Variants in MPC2 observed in about 807,000 individuals in gnomAD.
MPC2 encodes brain protein 44.
In MPC2, 19 loss-of-function variants were observed where a neutral mutation model predicts 19.2. That is an observed-to-expected ratio of 0.99 (90% CI 0.69 to 1.45). The LOEUF is 1.45. MPC2 is among the 40% of genes most tolerant of loss of function. The probability of loss-of-function intolerance (pLI) is 0.00; values close to 1 mark genes in which losing one functional copy is unlikely to be tolerated. For missense variants in MPC2, 122 were observed against 153.0 expected, an observed-to-expected ratio of 0.80 and a Z score of 1.07; for synonymous variants, 61 against 54.3, an observed-to-expected ratio of 1.12 and a Z score of -0.54.
intron 3 of MPC2, among the ~76,000 whole-genome samples, chr1:167,922,873 T>TA (rs1198222216): frequency 1.3e-5 from 2 of 152,098 alleles, no homozygotes; most frequent in Non-Finnish European, 2.9e-5. Flanking sequence ...TTGATTAAAT[T>TA]AAAAAACAGG....
At chr1:167,919,837 G>T (rs1670555780) in intron 5 of MPC2, 142 bp downstream of exon 5, 4 of 527,642 alleles carry the variant, frequency 7.6e-6, no homozygotes, top group African/African-American at 2.0e-5. Context: ...TCTTGTCTTA[G>T]CATTATATAT....
intron 2 of MPC2, among the ~76,000 whole-genome samples, chr1:167,930,472 C>T (rs953943311): frequency 1.1e-4 from 16 of 152,118 alleles, no homozygotes; most frequent in Non-Finnish European, 2.1e-4. Flanking sequence ...AAAACTAGAT[C>T]CCTAAATCCT....
chr1:167,935,825 G>A lies in MPC2; in HGVS notation c.17C>T (p.Ala6Val). ...GTGGTAGGTGGCCCGCAGGCCTCGG[G>A]CACCGGCGGCCGACATCGCCGCCGA... MSAAG[A>V]RGLRATYHRL... Residue 6 changes from alanine (A) to valine (V), a missense_variant, in exon 2 of 6, where the codon GCC becomes GTC. Coordinates refer to ENST00000271373, the MANE Select transcript of MPC2 (RefSeq NM_001143674.4). The A allele has an allele frequency of 1.9e-6, 3 of 1,552,516 alleles. No homozygotes were observed. Among genetic ancestry groups the A allele is most frequent in the Non-Finnish European group, 2.6e-6 (3 of 1,148,540 alleles).
chr1:167,926,624 T>TGCTGCTGCTGCC (rs1172982097), intron 2 of MPC2, among the ~76,000 whole-genome samples: 14 of 150,906 alleles, frequency 9.3e-5, no homozygotes, highest in South Asian at 8.7e-4. Context: ...CTGCAGATGC[T>TGCTGCTGCTGCC]GCTGCTGCTG....
At chr1:167,936,880 G>C in intron 1 of MPC2, 59 bp downstream of exon 1, 1 of 1,539,194 alleles carries the variant, frequency 6.5e-7, no homozygotes, top group Admixed American at 1.9e-5. Flanking sequence ...CCCACGCGGT[G>C]GTCTCCCCTC....
chr1:167,936,058 GC>G, intron 1 of MPC2, 160 bp from the exon 2 acceptor site: 2 of 586,760 alleles, frequency 3.4e-6, no homozygotes. Flanking sequence ...CCGACTGCCA[GC>G]CCCCGGTCCG....
chr1:167,936,699 C>CT, intron 1 of MPC2: 4 of 561,630 alleles, frequency 7.1e-6, no homozygotes. Flanking sequence ...TCTGGTTAGT[C>CT]TAAGAAGGAG....
At chr1:167,933,538 C>A (rs1670973442) in intron 2 of MPC2, among the ~76,000 whole-genome samples, 1 of 152,206 alleles carries the variant, frequency 6.6e-6, no homozygotes, top group Non-Finnish European at 1.5e-5. Flanking sequence ...AATCTAGAAT[C>A]AGCAATGTAT....
chr1:167,936,842 C>G (rs1035163742), intron 1 of MPC2, 97 bp downstream of exon 1: 2 of 1,344,286 alleles, frequency 1.5e-6, no homozygotes, highest in Non-Finnish European at 2.1e-6. Flanking sequence ...GGTGTTGAAA[C>G]GGGTGTCCCC....
intron 2 of MPC2, among the ~76,000 whole-genome samples, chr1:167,925,762 T>C (rs1237202007): frequency 6.6e-6 from 1 of 151,888 alleles, no homozygotes; most frequent in Non-Finnish European, 1.5e-5. Context: ...TTGGCCAGGC[T>C]GGTCTCAAAC....
At chr1:167,928,888 A>C (rs1385082142) in intron 2 of MPC2, among the ~76,000 whole-genome samples, 1 of 152,248 alleles carries the variant, frequency 6.6e-6, no homozygotes, top group African/African-American at 2.4e-5. Flanking sequence ...AAATCTCCTC[A>C]TAAGACATTA....
At chr1:167,930,434 T>C (rs1466908547) in intron 2 of MPC2, among the ~76,000 whole-genome samples, 2 of 152,140 alleles carry the variant, frequency 1.3e-5, no homozygotes, top group African/African-American at 4.8e-5. Flanking sequence ...AAATTACTTG[T>C]TTAAAATAAA....
intron 2 of MPC2, among the ~76,000 whole-genome samples, chr1:167,934,285 T>C (rs894571368): frequency 6.6e-6 from 1 of 152,192 alleles, no homozygotes; most frequent in Non-Finnish European, 1.5e-5. Context: ...TTACTCTTAC[T>C]CTGTCATGCC....
intron 1 of MPC2, chr1:167,936,417 G>A (rs558964114): frequency 5.6e-6 from 1 of 179,404 alleles, no homozygotes; most frequent in South Asian, 1.2e-4. Flanking sequence ...GTGAGCGAGA[G>A]ACTACAGAAT....
intron 1 of MPC2, 85 bp downstream of exon 1, chr1:167,936,853 TC>T (rs1457069332): frequency 5.6e-6 from 6 of 1,079,372 alleles, no homozygotes; most frequent in African/African-American, 1.6e-5. Context: ...GGGTGTCCCC[TC>T]CCCCTCCTCC....
intron 3 of MPC2, among the ~76,000 whole-genome samples, chr1:167,921,492 G>C (rs1670599506): frequency 6.6e-6 from 1 of 152,160 alleles, no homozygotes; most frequent in African/African-American, 2.4e-5. Context: ...AAAGTGCTGG[G>C]ATTACAGGTG....
At chr1:167,936,666 G>A in intron 1 of MPC2, 1 of 452,910 alleles carries the variant, frequency 2.2e-6, no homozygotes, top group Non-Finnish European at 4.0e-6. Flanking sequence ...TGAGGGAGGA[G>A]ACTGTTGCTG....
chr1:167,918,048 G>C lies in MPC2; in HGVS notation c.*275C>G, dbSNP rs757005929. 1 of 292,484 alleles carries C rather than the reference G, an allele frequency of 3.4e-6. No homozygotes were observed. The highest frequency in any genetic ancestry group is 6.3e-6 in the Non-Finnish European group (1 of 157,608). 18.1% of individuals were successfully genotyped at this position (292,484 alleles called of 1,614,324 possible). A position where few individuals can be genotyped will look rare whatever the true frequency, so the allele number is the denominator to read the frequency against. On this transcript the variant is annotated 3_prime_UTR_variant, in exon 6 of 6. Coordinates refer to ENST00000271373, the MANE Select transcript of MPC2 (RefSeq NM_001143674.4). ...TTTATGTACATATGTTGGCTGACTG[G>C]AACAGAAGGAGGCAGGGGGTATATA...
intron 5 of MPC2, among the ~76,000 whole-genome samples, chr1:167,918,667 C>T (rs1228339867): frequency 2.1e-5 from 3 of 142,510 alleles, no homozygotes; most frequent in Admixed American, 7.0e-5. Context: ...GATCTCGGCT[C>T]GCTGCAAGCT....
Sources: allele counts gnomAD v4.1 joint callset (sites outside exome capture counted in the v4.1 genomes callset), GRCh38; gene constraint gnomAD v4.1.1; transcripts MANE v1.5; gene names NCBI Gene and HGNC (gene_info 2026-07-23, HGNC 2026-07-21).